ANKRD44: variants seen among roughly 807,000 people sequenced by gnomAD.
ANKRD44 encodes serine/threonine-protein phosphatase 6 regulatory ankyrin repeat subunit B.
In ANKRD44, 35 loss-of-function variants were observed where a neutral mutation model predicts 116.0. The observed-to-expected ratio is 0.30, with a 90% CI of 0.23 to 0.40. The LOEUF is 0.40. Ranked by LOEUF, ANKRD44 falls within the 10% of genes least tolerant of loss-of-function variation. The pLI is 1.00. For synonymous variants in ANKRD44, 435 were observed against 461.8 expected (o/e 0.94, Z 0.74); for missense variants, 1,014 against 1,242.6 (o/e 0.82, Z 2.77).
chr2:197,141,559 C>T (rs972562651), intron 3 of ANKRD44, among the ~76,000 whole-genome samples: 4 of 152,144 alleles, frequency 2.6e-5, no homozygotes, highest in African/African-American at 4.8e-5. Flanking sequence ...GACCCACACC[C>T]GGGGTGTAAC....
intron 16 of ANKRD44, among the ~76,000 whole-genome samples, chr2:197,034,163 G>A (rs1043578752): frequency 6.6e-6 from 1 of 151,348 alleles, no homozygotes; most frequent in East Asian, 2.0e-4. Flanking sequence ...TTGCTCTACA[G>A]AGATCAACCT....
At chr2:197,003,210 C>T (rs2076144988) in intron 21 of ANKRD44, among the ~76,000 whole-genome samples, 2 of 151,708 alleles carry the variant, frequency 1.3e-5, no homozygotes, top group Non-Finnish European at 2.9e-5. Flanking sequence ...ACTCGGGAGG[C>T]TGAGGCAGGA....
intron 16 of ANKRD44, chr2:197,029,795 C>T: frequency 3.4e-6 from 1 of 292,618 alleles, no homozygotes. Flanking sequence ...AGCAAAACAG[C>T]CTCCTGGGTC....
In ANKRD44 at chr2:197,273,974, AAAAAAAATATATATAT is replaced by A. The variant is rs1204654034; in HGVS notation, c.27+36588_27+36603del. 1.8e-4 allele frequency among the ~76,000 whole-genome samples: 6 copies of A among 33,642 alleles called. 1 individual carries two copies. The highest frequency in any genetic ancestry group is 3.5e-4 in the African/African-American group (4 of 11,494). The allele number at this position is 33,642 out of a possible 152,430, so 22.1% of individuals were successfully genotyped here. On this transcript the variant is annotated intron_variant, in intron 1 of 27. Coordinates refer to ENST00000282272, the MANE Select transcript of ANKRD44 (RefSeq NM_001195144.2). ...TCAACCAACCACAAAAAAAAAAAAA[AAAAAAAATATATATAT>A]ATATATATATATATATATATATATA...
intron 4 of ANKRD44, among the ~76,000 whole-genome samples, chr2:197,128,457 C>T (rs1225155495): frequency 6.6e-6 from 1 of 152,156 alleles, no homozygotes; most frequent in Non-Finnish European, 1.5e-5. Context: ...ACTGCCTGTT[C>T]ATGTACTTTG....
At chr2:197,024,403 T>C (rs1352153418) in intron 17 of ANKRD44, among the ~76,000 whole-genome samples, 1 of 152,140 alleles carries the variant, frequency 6.6e-6, no homozygotes. Flanking sequence ...CGTGAGTGCC[T>C]CGGGAAGGTG....
At chr2:197,276,176 G>A (rs2083076126) in intron 1 of ANKRD44, among the ~76,000 whole-genome samples, 1 of 148,852 alleles carries the variant, frequency 6.7e-6, no homozygotes, top group African/African-American at 2.5e-5. Flanking sequence ...TTGGGAGGCT[G>A]AAGCAGGAGA....
Position 197,148,487 on chromosome 2 carries a change from CATT to C in ANKRD44, c.112-1385_112-1383del, listed in dbSNP as rs1333130838. 2.6e-5 allele frequency among the ~76,000 whole-genome samples: 4 copies of C among 152,262 alleles called. No individual in the cohort carries two copies. In the East Asian group the frequency reaches 7.7e-4, roughly 29 times the overall value. ...TCTTGGATTCGCTGTTGATTTTAAT[CATT>C]ATTCCTTTCATAATTTGATTATATA... is the stretch of plus-strand genomic sequence containing the variant. On this transcript the variant is annotated intron_variant, in intron 2 of 27. Coordinates refer to ENST00000282272, the MANE Select transcript of ANKRD44 (RefSeq NM_001195144.2).
intron 27 of ANKRD44, among the ~76,000 whole-genome samples, chr2:196,992,141 C>A (rs1415637370): frequency 6.6e-6 from 1 of 152,166 alleles, no homozygotes; most frequent in African/African-American, 2.4e-5. Flanking sequence ...GGTTAGCTGC[C>A]TTCTCAGCTG....
chr2:197,231,473 A>C (rs1045685834), intron 1 of ANKRD44, among the ~76,000 whole-genome samples: 1 of 152,144 alleles, frequency 6.6e-6, no homozygotes, highest in Non-Finnish European at 1.5e-5. Flanking sequence ...CAATCAATTA[A>C]GAATGTCCTA....
intron 16 of ANKRD44, among the ~76,000 whole-genome samples, chr2:197,076,315 G>T (rs1052553390): frequency 1.3e-5 from 2 of 152,166 alleles, no homozygotes; most frequent in African/African-American, 4.8e-5. Context: ...ATGGCAATGT[G>T]AAAGTCTTAG....
In ANKRD44 at chr2:197,171,431, T is replaced by C. The variant is rs569314775; in HGVS notation, c.111+15592A>G. ...ATGTCTGTTTGGGAGGGCTTTGGAG[T>C]GACAGTCTAACTGGAACTACTTTTA... On this transcript the variant is annotated intron_variant, in intron 2 of 27. Coordinates refer to ENST00000282272, the MANE Select transcript of ANKRD44 (RefSeq NM_001195144.2). 2.0e-5 allele frequency among the ~76,000 whole-genome samples: 3 copies of C among 152,268 alleles called. No individual in the cohort carries two copies. In the South Asian group the frequency reaches 6.2e-4, roughly 32 times the overall value.
intron 1 of ANKRD44, among the ~76,000 whole-genome samples, chr2:197,291,052 A>T (rs10199410): frequency 0.47 from 71,648 of 151,758 alleles, 18,253 homozygotes; most frequent in African/African-American, 0.67. Flanking sequence ...GTACAAAAAA[A>T]ACAAAGATTT....
intron 16 of ANKRD44, among the ~76,000 whole-genome samples, chr2:197,027,543 A>G (rs567430613): frequency 1.3e-5 from 2 of 152,170 alleles, no homozygotes; most frequent in Admixed American, 1.3e-4. Flanking sequence ...CAGCAGGAAG[A>G]CTCAGACTGA....
At chr2:197,008,031 G>T in intron 19 of ANKRD44, 108 bp from the exon 20 acceptor site, 1 of 748,364 alleles carries the variant, frequency 1.3e-6, no homozygotes, top group Non-Finnish European at 2.2e-6. Flanking sequence ...CTCTCCTTTT[G>T]ACAATTTCTT....
chr2:197,014,961 G>T, intron 17 of ANKRD44: 1 of 168,944 alleles, frequency 5.9e-6, no homozygotes, highest in Non-Finnish European at 1.3e-5. Context: ...AGGTTATATG[G>T]GGTGAAATGG....
chr2:196,990,665 T>G, intron 27 of ANKRD44: 1 of 1,232,182 alleles, frequency 8.1e-7, no homozygotes, highest in Non-Finnish European at 1.0e-6. Context: ...AAAGAAAAGC[T>G]TCTACAGTCC....
At chr2:197,123,590 C>A (rs1442587313) in intron 6 of ANKRD44, among the ~76,000 whole-genome samples, 1 of 152,164 alleles carries the variant, frequency 6.6e-6, no homozygotes, top group Non-Finnish European at 1.5e-5. Context: ...GACATCACAC[C>A]ACTGCACTCC....
rs1311210543 is a variant in ANKRD44 at position 197,273,976 on chromosome 2, AAAAAATATATATATAT to A, written c.27+36586_27+36601del. Among the ~76,000 whole-genome samples the A allele has an allele frequency of 1.5e-3, 80 of 53,486 alleles. 4 individuals carry two copies. Among genetic ancestry groups the A allele is most frequent in the South Asian group, 1.8e-3 (2 of 1,116 alleles). 35.1% of individuals were successfully genotyped at this position (53,486 alleles called of 152,430 possible). The stretch of plus-strand genomic sequence containing the variant: ...AACCAACCACAAAAAAAAAAAAAAA[AAAAAATATATATATAT>A]ATATATATATATATATATATATATA... On this transcript the variant is annotated intron_variant, in intron 1 of 27. Coordinates refer to ENST00000282272, the MANE Select transcript of ANKRD44 (RefSeq NM_001195144.2).
Sources: allele counts gnomAD v4.1 joint callset (sites outside exome capture counted in the v4.1 genomes callset), GRCh38; gene constraint gnomAD v4.1.1; transcripts MANE v1.5; gene names NCBI Gene and HGNC (gene_info 2026-07-23, HGNC 2026-07-21).